Variants in SAXO1 observed in about 807,000 individuals in gnomAD.
SAXO1 encodes the protein stabilizer of axonemal microtubules 1.
SAXO1 carries 21 observed loss-of-function variants against 17.5 expected under a neutral mutation model. The ratio of observed to expected loss-of-function variants is 1.20; its 90% CI spans 0.85 to 1.72. The LOEUF (loss-of-function observed/expected upper bound fraction) is 1.72. Ranked by LOEUF, SAXO1 falls within the 40% of genes most tolerant of loss-of-function variation. The pLI is 0.00. For missense variants in SAXO1, 843 were observed against 596.0 expected (o/e 1.41, Z -4.32); for synonymous variants, 274 against 216.5 (o/e 1.27, Z -2.33).
chr9:19,033,559 G>T (rs553590951), upstream of SAXO1, among the ~76,000 whole-genome samples: 6 of 152,302 alleles, frequency 3.9e-5, no homozygotes, highest in East Asian at 7.7e-4. Flanking sequence ...CCTTGAACAG[G>T]GTTTCCAGAT....
intron 3 of SAXO1, among the ~76,000 whole-genome samples, chr9:18,938,614 A>C (rs937066478): frequency 3.9e-5 from 6 of 152,116 alleles, no homozygotes; most frequent in African/African-American, 1.4e-4. Flanking sequence ...TGAGGATTAC[A>C]ATTCAACATG....
At chr9:18,960,286 G>A (rs749404365) in intron 1 of SAXO1, among the ~76,000 whole-genome samples, 1 of 152,166 alleles carries the variant, frequency 6.6e-6, no homozygotes, top group Non-Finnish European at 1.5e-5. Context: ...AAAGAAACAT[G>A]TCCACAACTC....
At chr9:18,968,969 T>A (rs1040159746) in intron 1 of SAXO1, among the ~76,000 whole-genome samples, 1 of 152,022 alleles carries the variant, frequency 6.6e-6, no homozygotes, top group Admixed American at 6.6e-5. Context: ...CATTGATGGA[T>A]GGCTGGGATT....
At chr9:19,020,670 G>C (rs1410278637) in intron 1 of SAXO1, among the ~76,000 whole-genome samples, 1 of 152,096 alleles carries the variant, frequency 6.6e-6, no homozygotes, top group Non-Finnish European at 1.5e-5. Context: ...AGATAATTTT[G>C]AATCTTCATT....
At chr9:19,031,946 T>C (rs994557309) in intron 1 of SAXO1, among the ~76,000 whole-genome samples, 6 of 152,194 alleles carry the variant, frequency 3.9e-5, no homozygotes, top group Admixed American at 6.5e-5. Flanking sequence ...ATATTTGCCC[T>C]TTTTTCAGAT....
chr9:18,994,858 C>T (rs1449233588), intron 1 of SAXO1, among the ~76,000 whole-genome samples: 1 of 152,222 alleles, frequency 6.6e-6, no homozygotes. Context: ...CAGGATCTGA[C>T]AGGCTGCCAG....
intron 3 of SAXO1, among the ~76,000 whole-genome samples, chr9:18,937,717 G>A (rs1190242127): frequency 6.6e-6 from 1 of 152,082 alleles, no homozygotes; most frequent in Admixed American, 6.5e-5. Context: ...TTCACCACAT[G>A]AGGACACAGC....
At chr9:19,033,641 T>G (rs1835859590), upstream of SAXO1, among the ~76,000 whole-genome samples, 1 of 152,228 alleles carries the variant, frequency 6.6e-6, no homozygotes, top group African/African-American at 2.4e-5. Context: ...ACCTGCGCTC[T>G]TGAGAACACA....
At chr9:19,003,272 T>C (rs917723163) in intron 1 of SAXO1, among the ~76,000 whole-genome samples, 9 of 152,182 alleles carry the variant, frequency 5.9e-5, no homozygotes, top group African/African-American at 2.2e-4. Context: ...GAATATTCCA[T>C]GCGCATGGAT....
chr9:18,952,215 A>G (rs1398763932), intron 1 of SAXO1, among the ~76,000 whole-genome samples: 2 of 152,138 alleles, frequency 1.3e-5, no homozygotes, highest in Admixed American at 1.3e-4. Context: ...CACATCAGCA[A>G]AAACTCCATG....
intron 1 of SAXO1, among the ~76,000 whole-genome samples, chr9:18,995,861 C>A (rs1424606879): frequency 1.3e-5 from 2 of 152,142 alleles, no homozygotes; most frequent in Non-Finnish European, 2.9e-5. Context: ...GGGAGGATCA[C>A]TTGAGGTCAG....
intron 1 of SAXO1, among the ~76,000 whole-genome samples, chr9:18,999,558 C>T (rs190957112): frequency 2.0e-5 from 3 of 149,884 alleles, no homozygotes; most frequent in Admixed American, 6.6e-5. Flanking sequence ...TGAGGAGCGC[C>T]GCTGCCTGGC....
intron 1 of SAXO1, chr9:19,026,799 G>C: frequency 2.0e-6 from 1 of 497,176 alleles, no homozygotes; most frequent in East Asian, 5.0e-5. Flanking sequence ...GGGAGGCTGA[G>C]GTGGGTGGAT....
At chr9:19,000,387 G>A (rs1280733683) in intron 1 of SAXO1, among the ~76,000 whole-genome samples, 1 of 150,550 alleles carries the variant, frequency 6.6e-6, no homozygotes, top group Non-Finnish European at 1.5e-5. Flanking sequence ...TGACTGGGAA[G>A]TGAGGAGCGC....
chr9:18,946,540 T>C (rs1000681397), intron 2 of SAXO1, among the ~76,000 whole-genome samples: 1 of 151,624 alleles, frequency 6.6e-6, no homozygotes, highest in African/African-American at 2.4e-5. Flanking sequence ...CTGCCAAAGA[T>C]AAAAACACTT....
intron 1 of SAXO1, among the ~76,000 whole-genome samples, chr9:19,007,115 GA>G (rs1834513439): frequency 6.6e-6 from 1 of 151,852 alleles, no homozygotes. Flanking sequence ...TTGGGAGGCC[GA>G]GGCGGGTGGA....
At chr9:18,946,457 A>C (rs567192154) in intron 2 of SAXO1, among the ~76,000 whole-genome samples, 96 of 152,142 alleles carry the variant, frequency 6.3e-4, no homozygotes, top group African/African-American at 2.3e-3. Flanking sequence ...TTCCAAGCTA[A>C]AGAACTGAAG....
chr9:18,931,198 C>T lies in SAXO1; in HGVS notation c.422-2143G>A, dbSNP rs181324616. ...CTTTACTCCCATCTCCAGCCCCAGGCAACCATTAATTTGCTCTTGGTCTCT... is the reference window on the plus strand; with the variant it reads ...CTTTACTCCCATCTCCAGCCCCAGGTAACCATTAATTTGCTCTTGGTCTCT... On this transcript the variant is annotated intron_variant, in intron 3 of 3. Coordinates refer to ENST00000380534, the MANE Select transcript of SAXO1 (RefSeq NM_153707.4). Among the ~76,000 whole-genome samples, 205 of 152,288 alleles carry T rather than the reference C, an allele frequency of 1.3e-3. 1 individual carries two copies. Among genetic ancestry groups the T allele is most frequent in the African/African-American group, 4.4e-3 (182 of 41,550 alleles).
At chr9:18,962,899 C>G (rs1418749395) in intron 1 of SAXO1, among the ~76,000 whole-genome samples, 2 of 152,168 alleles carry the variant, frequency 1.3e-5, no homozygotes, top group African/African-American at 4.8e-5. Flanking sequence ...ATGGTATTAG[C>G]TAGCTTTTTT....
Sources: gnomAD v4.1 joint callset for allele counts (sites outside exome capture counted in the v4.1 genomes callset) on GRCh38, gnomAD v4.1.1 for gene constraint, MANE v1.5 for transcripts, NCBI Gene and HGNC (gene_info 2026-07-23, HGNC 2026-07-21) for gene names.